Variants in RARB observed in about 807,000 individuals in gnomAD.
The protein encoded by RARB is retinoic acid receptor beta.
A neutral mutation model predicts 51.9 loss-of-function variants in RARB; 17 were observed. The ratio of observed to expected loss-of-function variants is 0.33; its 90% CI spans 0.22 to 0.49. The LOEUF is 0.49. RARB is among the 20% of genes least tolerant of loss of function. RARB has a pLI of 0.99. For missense variants in RARB, 369 were observed against 550.8 expected (o/e 0.67, Z 3.30); for synonymous variants, 215 against 195.4 (o/e 1.10, Z -0.84).
intron 5 of RARB, among the ~76,000 whole-genome samples, chr3:25,183,111 T>C (rs765872139): frequency 1.3e-5 from 2 of 152,176 alleles, no homozygotes; most frequent in African/African-American, 2.4e-5. Flanking sequence ...GACCATAACT[T>C]CTTACTACCG....
chr3:25,147,422 A>G (rs1414409810), intron 4 of RARB, among the ~76,000 whole-genome samples: 1 of 152,186 alleles, frequency 6.6e-6, no homozygotes, highest in African/African-American at 2.4e-5. Context: ...TAACAAGGTT[A>G]CTTCTTCTAG....
intron 5 of RARB, among the ~76,000 whole-genome samples, chr3:25,316,359 T>G (rs1704424771): frequency 6.6e-6 from 1 of 151,962 alleles, no homozygotes; most frequent in South Asian, 2.1e-4. Flanking sequence ...AAACACAAGA[T>G]AAAATAAATA....
intron 2 of RARB, among the ~76,000 whole-genome samples, chr3:24,859,805 T>C (rs187415464): frequency 1.6e-4 from 25 of 152,360 alleles, no homozygotes; most frequent in African/African-American, 5.8e-4. Flanking sequence ...AATTCTGCCA[T>C]TGTAGCAATA....
Position 24,947,698 on chromosome 3 carries a change from T to C in RARB, c.-380+88946T>C, listed in dbSNP as rs79793137. Among the ~76,000 whole-genome samples, 1,448 of 152,298 alleles carry C rather than the reference T, an allele frequency of 9.5e-3. 7 individuals are homozygous for C. Among genetic ancestry groups the C allele is most frequent in the Non-Finnish European group, 0.015 (1,047 of 68,032 alleles). On this transcript the variant is annotated intron_variant, in intron 2 of 11. Transcript: ENST00000383772. ...AGCATGATTGGTTTCCTTACCCTGG[T>C]AAAGCATGGTCTTTAGCCATAGTGT...
chr3:25,119,541 T>G (rs550805397), intron 3 of RARB, among the ~76,000 whole-genome samples: 1 of 152,174 alleles, frequency 6.6e-6, no homozygotes, highest in African/African-American at 2.4e-5. Flanking sequence ...TTATGCACCC[T>G]GACCCCCATC....
intron 3 of RARB, among the ~76,000 whole-genome samples, chr3:25,069,561 G>A (rs1698728453): frequency 6.6e-6 from 1 of 152,176 alleles, no homozygotes. Context: ...TCCCAAGTCT[G>A]TCTCAAAAAT....
intron 5 of RARB, among the ~76,000 whole-genome samples, chr3:25,296,569 CTTAGT>C (rs1039529628): frequency 2.6e-5 from 4 of 151,998 alleles, no homozygotes; most frequent in African/African-American, 9.7e-5. Context: ...TTCAAAAATT[CTTAGT>C]TTAATTATTG....
chr3:24,838,494 A>G (rs1289653188), intron 1 of RARB, among the ~76,000 whole-genome samples: 1 of 152,200 alleles, frequency 6.6e-6, no homozygotes, highest in Non-Finnish European at 1.5e-5. Flanking sequence ...CCTAAAAACT[A>G]TCAGACACTA....
intron 5 of RARB, among the ~76,000 whole-genome samples, chr3:25,190,913 A>C (rs1282996333): frequency 6.6e-6 from 1 of 152,144 alleles, no homozygotes; most frequent in Non-Finnish European, 1.5e-5. Context: ...ACTTGTGCTA[A>C]ATCAAGTCAG....
chr3:25,021,292 T>C (rs9821849), intron 2 of RARB, among the ~76,000 whole-genome samples: 72,142 of 152,034 alleles, frequency 0.47, 17,447 homozygotes, highest in Admixed American at 0.57. Context: ...TCTGTATTTA[T>C]GTCAGTCAAG....
intron 3 of RARB, among the ~76,000 whole-genome samples, chr3:25,129,516 C>A (rs547974619): frequency 1.6e-4 from 24 of 152,084 alleles, no homozygotes; most frequent in Non-Finnish European, 2.8e-4. Flanking sequence ...CTCATTTAAA[C>A]TTACATTTAA....
At chr3:24,920,213 T>C (rs1695189174) in intron 2 of RARB, among the ~76,000 whole-genome samples, 1 of 152,218 alleles carries the variant, frequency 6.6e-6, no homozygotes. Flanking sequence ...ACAAATAATG[T>C]GTTGAAGTCC....
At chr3:24,866,550 A>C (rs1702851846) in intron 2 of RARB, among the ~76,000 whole-genome samples, 1 of 152,026 alleles carries the variant, frequency 6.6e-6, no homozygotes, top group Non-Finnish European at 1.5e-5. Context: ...GAATGGGAAA[A>C]CTGACCAAAC....
intron 5 of RARB, among the ~76,000 whole-genome samples, chr3:25,363,968 C>T (rs1706033630): frequency 6.6e-6 from 1 of 152,166 alleles, no homozygotes; most frequent in Non-Finnish European, 1.5e-5. Context: ...CCTTAACTTC[C>T]TTCCACTCAT....
intron 3 of RARB, among the ~76,000 whole-genome samples, chr3:25,121,975 G>C (rs1223331624): frequency 2.0e-5 from 3 of 152,036 alleles, no homozygotes; most frequent in African/African-American, 7.2e-5. Flanking sequence ...CGCTGTATTA[G>C]GGAAACCCAT....
chr3:25,112,229 C>T (rs1025840517), intron 3 of RARB, among the ~76,000 whole-genome samples: 1 of 152,066 alleles, frequency 6.6e-6, no homozygotes, highest in African/African-American at 2.4e-5. Context: ...TTTGGCCATC[C>T]TTTCAGTCCT....
intron 4 of RARB, among the ~76,000 whole-genome samples, chr3:25,578,538 T>TC (rs1288029551): frequency 6.6e-6 from 1 of 152,218 alleles, no homozygotes; most frequent in Admixed American, 6.5e-5. Context: ...TGACTCTCCG[T>TC]CCCTCTCTTC....
intron 2 of RARB, among the ~76,000 whole-genome samples, chr3:24,958,255 GTTTTTTTTTTTTT>G (rs71057692): frequency 0.027 from 1,879 of 69,630 alleles, 96 homozygotes; most frequent in African/African-American, 0.076. Context: ...AGCTGCTCAG[GTTTTTTTTTTTTT>G]TTTTTTTTTT....
chr3:25,007,147 T>C (rs980582268), intron 2 of RARB, among the ~76,000 whole-genome samples: 6 of 152,182 alleles, frequency 3.9e-5, no homozygotes, highest in African/African-American at 7.2e-5. Context: ...TGCAATAATA[T>C]TTAAGAAAAC....
Sources: gnomAD v4.1 joint callset for allele counts (sites outside exome capture counted in the v4.1 genomes callset) on GRCh38, gnomAD v4.1.1 for gene constraint, MANE v1.5 for transcripts, NCBI Gene and HGNC (gene_info 2026-07-23, HGNC 2026-07-21) for gene names.